ACOX3: variants seen among roughly 807,000 people sequenced by gnomAD.
ACOX3 encodes the protein acyl-CoA oxidase 3, pristanoyl.
ACOX3 carries 73 observed loss-of-function variants against 81.5 expected under a neutral mutation model. The observed-to-expected ratio is 0.90, with a 90% CI of 0.74 to 1.09. ACOX3 has a LOEUF of 1.09. ACOX3 is among the 50% of genes least tolerant of loss of function. ACOX3 has a pLI of 0.00. For missense variants in ACOX3, 947 were observed against 928.0 expected, an observed-to-expected ratio of 1.02 and a Z score of -0.27; for synonymous variants, 387 against 375.1, an observed-to-expected ratio of 1.03 and a Z score of -0.37.
At chr4:8,378,348 T>C (rs1240617998) in intron 14 of ACOX3, among the ~76,000 whole-genome samples, 2 of 152,158 alleles carry the variant, frequency 1.3e-5, no homozygotes, top group African/African-American at 2.4e-5. Flanking sequence ...ACTCCCAAAG[T>C]AGACAACGTG....
chr4:8,412,322 G>A (rs944590398), intron 5 of ACOX3, among the ~76,000 whole-genome samples: 3 of 152,244 alleles, frequency 2.0e-5, no homozygotes, highest in Non-Finnish European at 2.9e-5. Flanking sequence ...GCTGGGCTAC[G>A]GGTCCGCTTG....
Position 8,432,449 on chromosome 4 carries a change from A to C in ACOX3, c.-15+8199T>G, listed in dbSNP as rs917925443. Among the ~76,000 whole-genome samples the C allele has an allele frequency of 6.6e-6, 1 of 151,846 alleles. No homozygotes were observed. Among genetic ancestry groups the C allele is most frequent in the East Asian group, 1.9e-4 (1 of 5,178 alleles). The stretch of plus-strand genomic sequence containing the variant: ...AGGTTTTCACTGTGTTAGCCAGGAT[A>C]GTCTCGATCTCCTGACCTTGTGATC... On this transcript the variant is annotated intron_variant, in intron 1 of 17. Transcript: ENST00000356406. This position sits in a 1 kb window ranked among gnomAD's most constrained non-coding sequence, Gnocchi z 6.2.
At chr4:8,376,322 G>C (rs1041685537) in intron 14 of ACOX3, among the ~76,000 whole-genome samples, 3 of 149,970 alleles carry the variant, frequency 2.0e-5, no homozygotes, top group African/African-American at 5.0e-5. Flanking sequence ...TGACTTGTTA[G>C]GATGAGCAGG....
At position 8,392,381 on chromosome 4, in the gene ACOX3, C is replaced by T. The variant is rs763581983; in HGVS notation, c.1252G>A (p.Gly418Arg). The T allele has an allele frequency of 5.0e-6, 8 of 1,608,694 alleles. No homozygotes were observed. The highest frequency in any genetic ancestry group is 1.3e-5 in the African/African-American group (1 of 74,802). The change falls in exon 11 of 18, where the codon GGA becomes AGA. Residue 418 changes from glycine (G) to arginine (R), a missense_variant. Transcript: ENST00000356406. ...CACGCCTCCCGGCATTCCTGAATTCCTTGCTGGGTGGTCCACGAGGCCAGG... is the reference window on the plus strand; with the variant it reads ...CACGCCTCCCGGCATTCCTGAATTCTTTGCTGGGTGGTCCACGAGGCCAGG... ...KPLASWTTQQ[G>R]IQECREACGG...
rs530890478 is a variant in ACOX3 at position 8,394,322 on chromosome 4, C to T, written c.1179+298G>A. ...CAGAACCATGAAATCCACTGAGGGGCGGGTAACGTGGATTTTGCAAAACCG... is the reference window on the plus strand; with the variant it reads ...CAGAACCATGAAATCCACTGAGGGGTGGGTAACGTGGATTTTGCAAAACCG... On this transcript the variant is annotated intron_variant, in intron 10 of 17. Transcript: ENST00000356406. The surrounding 1 kb of genome is among the most constrained non-coding windows in gnomAD (Gnocchi z 5.9). Among the ~76,000 whole-genome samples the T allele has an allele frequency of 2.6e-5, 4 of 152,208 alleles. No homozygotes were observed. The highest frequency in any genetic ancestry group is 6.5e-5 in the Admixed American group (1 of 15,284).
chr4:8,359,573 G>A, the ACOX3 span, among the ~76,000 whole-genome samples: 1,801 of 152,320 alleles, frequency 0.012, 12 homozygotes, highest in Non-Finnish European at 0.018. The surrounding 1 kb of genome is among the most constrained non-coding windows in gnomAD (Gnocchi z 6.0). Flanking sequence ...CTTTGCTGAT[G>A]GCTGTGAGTG....
At position 8,405,952 on chromosome 4, in the gene ACOX3, C is replaced by A. The variant is rs769341583; in HGVS notation, c.776+3G>T. Reference sequence around the variant, plus strand: ...TCAGGGCTCAGCAGCCTCTGTCACTCACCCATTATCCAGACCGTTCTGCCC... The same window carrying A: ...TCAGGGCTCAGCAGCCTCTGTCACTAACCCATTATCCAGACCGTTCTGCCC... On this transcript the variant is annotated splice_donor_region_variant and intron_variant, in intron 7 of 17. Coordinates refer to ENST00000356406, the MANE Select transcript of ACOX3 (RefSeq NM_003501.3). The surrounding 1 kb of genome is among the most constrained non-coding windows in gnomAD (Gnocchi z 7.1). 5.0e-6 allele frequency: 8 copies of A among 1,613,948 alleles called. No homozygotes were observed. Among genetic ancestry groups the A allele is most frequent in the Non-Finnish European group, 5.1e-6 (6 of 1,179,836 alleles).
intron 11 of ACOX3, among the ~76,000 whole-genome samples, chr4:8,390,053 A>C (rs1718780912): frequency 6.7e-6 from 1 of 148,874 alleles, no homozygotes; most frequent in African/African-American, 2.6e-5. Context: ...CAGTGAGCCG[A>C]GATTGCGCAA....
intron 1 of ACOX3, among the ~76,000 whole-genome samples, chr4:8,418,455 T>A: frequency 8.3e-6 from 1 of 120,316 alleles, no homozygotes; most frequent in Non-Finnish European, 1.6e-5. Context: ...CGAGACTCCA[T>A]CTCAAAAAAA....
downstream of ACOX3, among the ~76,000 whole-genome samples, chr4:8,365,501 G>A (rs1442091010): frequency 6.6e-6 from 1 of 152,216 alleles, no homozygotes; most frequent in East Asian, 1.9e-4. Context: ...CACCAGGGAG[G>A]TCCCATGGCT....
chr4:8,358,092 G>C, the ACOX3 span: 1 of 152,234 alleles, frequency 6.6e-6, no homozygotes, highest in Non-Finnish European at 1.5e-5. Flanking sequence ...CGGGACTCCG[G>C]TATAGCATCA....
intron 10 of ACOX3, among the ~76,000 whole-genome samples, chr4:8,392,848 G>A (rs895068793): frequency 1.3e-5 from 2 of 152,194 alleles, no homozygotes; most frequent in African/African-American, 4.8e-5. Context: ...AAAGGCCAGG[G>A]AACCAGACTC....
At chr4:8,361,347 A>T (rs1256825951), downstream of ACOX3, among the ~76,000 whole-genome samples, 1 of 146,272 alleles carries the variant, frequency 6.8e-6, no homozygotes, top group Non-Finnish European at 1.5e-5. Flanking sequence ...AAAGGCGTGA[A>T]CCCAGGAGGC....
intron 1 of ACOX3, among the ~76,000 whole-genome samples, chr4:8,433,733 T>C (rs1560210442): frequency 1.3e-5 from 2 of 152,194 alleles, no homozygotes; most frequent in African/African-American, 4.8e-5. Context: ...AGAGATCCTT[T>C]AGGGAATGGC....
intron 14 of ACOX3, among the ~76,000 whole-genome samples, chr4:8,379,789 TTTTC>T (rs1361672644): frequency 1.3e-5 from 2 of 152,204 alleles, no homozygotes; most frequent in African/African-American, 4.8e-5. Flanking sequence ...TAAAAAAATG[TTTTC>T]TTTCTTTTCT....
intron 7 of ACOX3, among the ~76,000 whole-genome samples, chr4:8,403,772 G>T: frequency 6.6e-6 from 1 of 152,220 alleles, no homozygotes; most frequent in East Asian, 1.9e-4. Flanking sequence ...CGTTTATTAG[G>T]GGGGAACCAA....
intron 8 of ACOX3, among the ~76,000 whole-genome samples, chr4:8,398,240 C>A (rs1466660981): frequency 6.6e-6 from 1 of 152,166 alleles, no homozygotes. Flanking sequence ...TGTCTTCATG[C>A]ATTCACTGTC....
In ACOX3 at chr4:8,399,613, G is replaced by A. The variant is rs370422866; in HGVS notation, c.816C>T (p.Ser272=). 6.2e-7 allele frequency: 1 copy of A among 1,614,066 alleles called. No individual in the cohort carries two copies. The highest frequency in any genetic ancestry group is 1.3e-5 in the African/African-American group (1 of 74,930). The part of the protein sequence containing the change: ...MFHKVRVPRQ[S]LLNRMGDVTP... ...TGACGTCTCCCATCCGGTTCAGAAG[G>A]CTCTGGCGAGGAACTCTGACCTTGT... Residue 272 remains serine, a synonymous_variant, in exon 8 of 18, where the codon AGC becomes AGT. Transcript: ENST00000356406. The surrounding 1 kb of genome is among the most constrained non-coding windows in gnomAD (Gnocchi z 4.9).
At chr4:8,401,041 T>A (rs920865042) in intron 7 of ACOX3, among the ~76,000 whole-genome samples, 4 of 151,630 alleles carry the variant, frequency 2.6e-5, no homozygotes, top group African/African-American at 9.7e-5. Context: ...AGGTATTAGA[T>A]TCTCATAAGG....
Sources: gnomAD v4.1 joint callset for allele counts (sites outside exome capture counted in the v4.1 genomes callset) on GRCh38, gnomAD v4.1.1 for gene constraint, Gnocchi (gnomAD v3.1) non-coding constraint, MANE v1.5 for transcripts, NCBI Gene and HGNC (gene_info 2026-07-23, HGNC 2026-07-21) for gene names.